COBL: variants seen among roughly 807,000 people sequenced by gnomAD.
The protein encoded by COBL is protein cordon-bleu.
A neutral mutation model predicts 98.8 loss-of-function variants in COBL; 51 were observed. The observed-to-expected ratio is 0.52, with a 90% CI of 0.41 to 0.65. The LOEUF (loss-of-function observed/expected upper bound fraction) is 0.65, where lower values mean the gene tolerates loss of function less well. Ranked by LOEUF, COBL falls within the 30% of genes least tolerant of loss-of-function variation. The probability of loss-of-function intolerance (pLI) is 0.00; values close to 1 mark genes in which losing one functional copy is unlikely to be tolerated. For missense variants in COBL, 1,617 were observed against 1,617.5 expected, an observed-to-expected ratio of 1.00 and a Z score of 0.01; for synonymous variants, 634 against 651.7, an observed-to-expected ratio of 0.97 and a Z score of 0.41.
chr7:51,136,014 A>T, intron 6 of COBL, 144 bp downstream of exon 6: 1 of 1,114,810 alleles, frequency 9.0e-7, no homozygotes, highest in Non-Finnish European at 1.2e-6. Flanking sequence ...CTTTACTTTT[A>T]AATAAAGCTT....
intron 7 of COBL, among the ~76,000 whole-genome samples, chr7:51,058,828 T>C (rs961440177): frequency 3.3e-5 from 5 of 152,226 alleles, no homozygotes; most frequent in African/African-American, 4.8e-5. Context: ...CCCATCTGTT[T>C]TCAGCCTACA....
At chr7:51,126,925 T>A (rs759094103) in intron 6 of COBL, among the ~76,000 whole-genome samples, 4 of 152,164 alleles carry the variant, frequency 2.6e-5, no homozygotes, top group Non-Finnish European at 5.9e-5. Flanking sequence ...ATGAGCCTCC[T>A]TAGCTGTCTG....
intron 2 of COBL, among the ~76,000 whole-genome samples, chr7:51,196,290 T>C (rs1226228659): frequency 6.6e-6 from 1 of 152,238 alleles, no homozygotes; most frequent in African/African-American, 2.4e-5. Context: ...GTTTATGTGA[T>C]GAAATACATT....
chr7:51,268,095 C>T (rs569735462), intron 1 of COBL, among the ~76,000 whole-genome samples: 1 of 152,206 alleles, frequency 6.6e-6, no homozygotes, highest in African/African-American at 2.4e-5. Context: ...CCTGCAGGCG[C>T]TGTGTCCGCT....
In COBL at chr7:51,271,795, C is replaced by T. The variant is rs4948212; in HGVS notation, c.41+44798G>A. On this transcript the variant is annotated intron_variant, in intron 1 of 12. Transcript: ENST00000265136. The stretch of plus-strand genomic sequence containing the variant: ...CTGTAATCCCAACACTTTGGAAGAC[C>T]GAGGCAGGAGGATCACTTGAGGTCA... Among the ~76,000 whole-genome samples, 957 of 152,206 alleles carry T rather than the reference C, an allele frequency of 6.3e-3. 24 individuals are homozygous for T. The East Asian group carries it at 0.063, about 10-fold the overall frequency.
chr7:51,277,405 G>T (rs575008974), intron 1 of COBL, among the ~76,000 whole-genome samples: 1 of 152,314 alleles, frequency 6.6e-6, no homozygotes, highest in South Asian at 2.1e-4. Flanking sequence ...GTTAACATCT[G>T]TGGCATCTAG....
At chr7:51,069,090 G>T (rs2128921093) in intron 7 of COBL, among the ~76,000 whole-genome samples, 1 of 152,328 alleles carries the variant, frequency 6.6e-6, no homozygotes, top group East Asian at 1.9e-4. Context: ...GACATGAAAG[G>T]TAATTTGCCT....
chr7:51,169,808 T>C (rs139792083), intron 5 of COBL, among the ~76,000 whole-genome samples: 3,314 of 152,292 alleles, frequency 0.022, 136 homozygotes, highest in Admixed American at 0.084. Flanking sequence ...CAATAATTAC[T>C]TACTTGTACA....
At chr7:51,127,093 C>A (rs546262872) in intron 6 of COBL, among the ~76,000 whole-genome samples, 1 of 152,110 alleles carries the variant, frequency 6.6e-6, no homozygotes, top group Admixed American at 6.5e-5. Context: ...TGCTCAAGGC[C>A]GTGGGACGTG....
chr7:51,235,604 C>T (rs770988244), intron 1 of COBL, among the ~76,000 whole-genome samples: 5 of 152,176 alleles, frequency 3.3e-5, no homozygotes, highest in Admixed American at 6.5e-5. Context: ...GAAACAGCCG[C>T]GGACATCCCT....
At chr7:51,104,826 G>A (rs1796112383) in intron 6 of COBL, among the ~76,000 whole-genome samples, 1 of 152,158 alleles carries the variant, frequency 6.6e-6, no homozygotes, top group Non-Finnish European at 1.5e-5. Context: ...GCATTGACAT[G>A]TAAGAAAACA....
intron 6 of COBL, among the ~76,000 whole-genome samples, chr7:51,098,023 C>CAAAAAAAAAAA (rs3047141): frequency 2.1e-5 from 2 of 94,364 alleles, no homozygotes; most frequent in African/African-American, 8.2e-5. Flanking sequence ...GACTCCATCT[C>CAAAAAAAAAAA]AAAAAAAAAA....
chr7:51,259,713 A>G, intron 1 of COBL: 1 of 740,322 alleles, frequency 1.4e-6, no homozygotes, highest in Admixed American at 1.7e-5. Context: ...CCACATTTCA[A>G]AATGAGTTCC....
intron 1 of COBL, among the ~76,000 whole-genome samples, chr7:51,267,253 TA>T (rs1798301813): frequency 1.3e-5 from 2 of 152,178 alleles, no homozygotes; most frequent in African/African-American, 4.8e-5. Flanking sequence ...ACCCCTGCTG[TA>T]AAAAACTTTA....
Position 51,316,625 on chromosome 7 carries a change from C to G in COBL, c.9G>C (p.Ala3=). 1 of 1,201,360 alleles carries G rather than the reference C, an allele frequency of 8.3e-7. No homozygotes were observed. Among genetic ancestry groups the G allele is most frequent in the Non-Finnish European group, 1.0e-6 (1 of 968,358 alleles). The allele number at this position is 1,201,360 out of a possible 1,614,324, so 74.4% of individuals were successfully genotyped here. A position where few individuals can be genotyped will look rare whatever the true frequency, so the allele number is the denominator to read the frequency against. ...GGGGCTTGGCCGCCGAGGCGCGCGGCGCGTCCATGGTGCCGGGGGCCGGGA... is the reference window on the plus strand; with the variant it reads ...GGGGCTTGGCCGCCGAGGCGCGCGGGGCGTCCATGGTGCCGGGGGCCGGGA... MD[A]PRASAAKPPT... Residue 3 remains alanine, a synonymous_variant, in exon 1 of 13, where the codon GCG becomes GCC. Transcript: ENST00000265136.
intron 1 of COBL, among the ~76,000 whole-genome samples, chr7:51,230,616 C>A (rs574650418): frequency 6.6e-6 from 1 of 152,224 alleles, no homozygotes; most frequent in African/African-American, 2.4e-5. Flanking sequence ...CCTGCCTCCC[C>A]TTCTTGAGTC....
chr7:51,304,045 T>TC (rs1360170509), intron 1 of COBL, among the ~76,000 whole-genome samples: 2 of 151,916 alleles, frequency 1.3e-5, no homozygotes, highest in African/African-American at 4.8e-5. Context: ...ACACTAATGC[T>TC]CCCCCAAAAC....
At chr7:51,300,002 G>A (rs1256926324) in intron 1 of COBL, among the ~76,000 whole-genome samples, 1 of 152,100 alleles carries the variant, frequency 6.6e-6, no homozygotes, top group Non-Finnish European at 1.5e-5. Flanking sequence ...GACTAGTGCT[G>A]GCCTCAAGGC....
At chr7:51,018,935 TATATATATATATATATATGA>T (rs1786629196) in intron 12 of COBL, among the ~76,000 whole-genome samples, 1 of 73,454 alleles carries the variant, frequency 1.4e-5, no homozygotes, top group African/African-American at 4.0e-5. Context: ...TATATATATA[TATATATATATATATATATGA>T]TTTTTTTTGC....
Sources: gnomAD v4.1 joint callset for allele counts (sites outside exome capture counted in the v4.1 genomes callset) on GRCh38, gnomAD v4.1.1 for gene constraint, MANE v1.5 for transcripts, NCBI Gene and HGNC (gene_info 2026-07-23, HGNC 2026-07-21) for gene names.